Variants in CEP128 observed in about 807,000 individuals in gnomAD.
CEP128 encodes centrosomal protein 128kDa.
Under a neutral mutation model 156.7 loss-of-function variants are expected in CEP128, and 132 were observed. That is an observed-to-expected ratio of 0.84 (90% confidence interval 0.73 to 0.97). The LOEUF is 0.97. Among genes scored for constraint, CEP128 ranks in the 50% least tolerant of loss-of-function variants. The pLI is 0.00. For missense variants in CEP128, 1,252 were observed against 1,281.9 expected, an observed-to-expected ratio of 0.98 and a Z score of 0.36; for synonymous variants, 469 against 448.9, an observed-to-expected ratio of 1.04 and a Z score of -0.57.
intron 19 of CEP128, among the ~76,000 whole-genome samples, chr14:80,674,860 T>C (rs1325996912): frequency 1.3e-5 from 2 of 152,070 alleles, no homozygotes; most frequent in Admixed American, 1.3e-4. Flanking sequence ...AAATAACCCA[T>C]ACATCTTGCT....
intron 8 of CEP128, among the ~76,000 whole-genome samples, chr14:80,892,426 A>C (rs1476720692): frequency 6.6e-6 from 1 of 152,046 alleles, no homozygotes; most frequent in African/African-American, 2.4e-5. Flanking sequence ...CCTAAATGTA[A>C]GACCAGGAAC....
intron 19 of CEP128, among the ~76,000 whole-genome samples, chr14:80,721,185 G>T (rs1049000350): frequency 5.3e-5 from 8 of 152,052 alleles, no homozygotes; most frequent in African/African-American, 1.9e-4. Flanking sequence ...ACATATAAAA[G>T]ATTTTTTCAT....
chr14:80,892,213 C>T (rs1458755728), intron 8 of CEP128, among the ~76,000 whole-genome samples: 1 of 151,856 alleles, frequency 6.6e-6, no homozygotes, highest in African/African-American at 2.4e-5. Context: ...AAAACAGACA[C>T]ATACACCAAT....
At chr14:80,856,177 A>T (rs987787543) in intron 9 of CEP128, among the ~76,000 whole-genome samples, 2 of 152,146 alleles carry the variant, frequency 1.3e-5, no homozygotes, top group Admixed American at 1.3e-4. Flanking sequence ...CCCATCTTAA[A>T]CACTTAATTT....
At chr14:80,534,197 C>A (rs1396880574) in intron 21 of CEP128, among the ~76,000 whole-genome samples, 1 of 151,044 alleles carries the variant, frequency 6.6e-6, no homozygotes, top group African/African-American at 2.4e-5. Context: ...CTTTGGCATA[C>A]AAACTCAAGA....
intron 13 of CEP128, among the ~76,000 whole-genome samples, chr14:80,829,346 CTCAAAAAGAAATT>C (rs1198833280): frequency 6.6e-6 from 1 of 152,160 alleles, no homozygotes; most frequent in East Asian, 1.9e-4. Flanking sequence ...AAATTTCATT[CTCAAAAAGAAATT>C]TATTCTTAGA....
intron 19 of CEP128, among the ~76,000 whole-genome samples, chr14:80,670,950 T>C (rs1433729470): frequency 6.6e-6 from 1 of 152,220 alleles, no homozygotes; most frequent in East Asian, 1.9e-4. Flanking sequence ...TTTGATTCAA[T>C]AGTACTAATT....
chr14:80,659,232 G>A (rs888999875), intron 19 of CEP128, among the ~76,000 whole-genome samples: 1 of 152,062 alleles, frequency 6.6e-6, no homozygotes, highest in Non-Finnish European at 1.5e-5. Context: ...AGAGAAAAGT[G>A]GCAAGATTTG....
rs1027068181 is a variant in CEP128 at position 80,913,596 on chromosome 14, C to T, written c.234+726G>A. ...TGAAAAACCAAATACCACTTCTTCT[C>T]GCTTATAAAGGAGAGCTAAGCTATG... On this transcript the variant is annotated intron_variant, in intron 4 of 24. Coordinates refer to ENST00000555265, the MANE Select transcript of CEP128 (RefSeq NM_152446.5). Among the ~76,000 whole-genome samples, 14 of 152,098 alleles carry T rather than the reference C, an allele frequency of 9.2e-5. No individual in the cohort carries two copies. The East Asian group carries it at 2.7e-3, about 29-fold the overall frequency.
intron 19 of CEP128, among the ~76,000 whole-genome samples, chr14:80,653,720 T>C (rs8022733): frequency 0.79 from 120,795 of 152,104 alleles, 48,731 homozygotes; most frequent in East Asian, 0.92. Flanking sequence ...ATCTCCTCCG[T>C]CCATGTCTAT....
chr14:80,917,357 CA>C (rs750620544), intron 2 of CEP128, among the ~76,000 whole-genome samples: 5 of 152,150 alleles, frequency 3.3e-5, no homozygotes, highest in Non-Finnish European at 5.9e-5. Context: ...AAAGAAGCAT[CA>C]GAGAAACTCA....
At chr14:80,552,803 G>T (rs1294279381) in intron 21 of CEP128, among the ~76,000 whole-genome samples, 1 of 151,980 alleles carries the variant, frequency 6.6e-6, no homozygotes, top group Non-Finnish European at 1.5e-5. Context: ...GACACAAATT[G>T]GTAGTCAGTT....
rs529579465 is a variant in CEP128 at position 80,731,794 on chromosome 14, A to C, written c.2806+11281T>G. 2.0e-5 allele frequency among the ~76,000 whole-genome samples: 3 copies of C among 152,322 alleles called. No homozygotes were observed. In the South Asian group the frequency reaches 6.2e-4, roughly 32 times the overall value. ...TTTTGTTGCCAAATATACTAGTTTC[A>C]AAAAATCCACTGAAGACAGCTAAGC... is the stretch of plus-strand genomic sequence containing the variant. On this transcript the variant is annotated intron_variant, in intron 19 of 24. Transcript: ENST00000555265.
intron 19 of CEP128, among the ~76,000 whole-genome samples, chr14:80,622,250 T>G (rs1484711238): frequency 6.6e-6 from 1 of 152,210 alleles, no homozygotes; most frequent in African/African-American, 2.4e-5. Context: ...TCAAAAGTTT[T>G]ATTTTTCATT....
chr14:80,760,669 T>C (rs957374082), intron 17 of CEP128, among the ~76,000 whole-genome samples: 1 of 152,138 alleles, frequency 6.6e-6, no homozygotes, highest in African/African-American at 2.4e-5. Context: ...CAAAACAATG[T>C]AATGTTCTCT....
intron 16 of CEP128, among the ~76,000 whole-genome samples, chr14:80,770,143 G>C (rs566675444): frequency 6.6e-6 from 1 of 152,204 alleles, no homozygotes; most frequent in Non-Finnish European, 1.5e-5. Context: ...GTGAGTTAAG[G>C]ATTTAATAGC....
intron 2 of CEP128, among the ~76,000 whole-genome samples, chr14:80,951,811 A>T (rs963425013): frequency 6.6e-6 from 1 of 152,096 alleles, no homozygotes; most frequent in Non-Finnish European, 1.5e-5. Context: ...AAAAAATCAT[A>T]CCATGATAAC....
At chr14:80,753,434 T>C (rs1243838545) in intron 18 of CEP128, among the ~76,000 whole-genome samples, 2 of 152,236 alleles carry the variant, frequency 1.3e-5, no homozygotes, top group African/African-American at 4.8e-5. Context: ...TGAACAACAG[T>C]GCACTCAGGA....
intron 14 of CEP128, among the ~76,000 whole-genome samples, chr14:80,480,085 G>A (rs1409069943): frequency 2.0e-5 from 3 of 152,266 alleles, no homozygotes; most frequent in South Asian, 2.1e-4. Flanking sequence ...GAGTGTCTGT[G>A]GCTTTTCCAG....
Sources: allele counts gnomAD v4.1 joint callset (sites outside exome capture counted in the v4.1 genomes callset), GRCh38; gene constraint gnomAD v4.1.1; transcripts MANE v1.5; gene names NCBI Gene and HGNC (gene_info 2026-07-23, HGNC 2026-07-21).